The following PTPRN2 variants were observed in gnomAD, a reference collection of about 807,000 sequenced individuals.
The protein encoded by PTPRN2 is receptor-type tyrosine-protein phosphatase N2.
In PTPRN2, 74 loss-of-function variants were observed where a neutral mutation model predicts 118.8. That is an observed-to-expected ratio of 0.62 (90% CI 0.52 to 0.76). The LOEUF is 0.76. PTPRN2 is among the 30% of genes least tolerant of loss of function. The pLI is 0.00. For synonymous variants in PTPRN2, 641 were observed against 608.0 expected, an observed-to-expected ratio of 1.05 and a Z score of -0.80; for missense variants, 1,481 against 1,394.4, an observed-to-expected ratio of 1.06 and a Z score of -0.99.
intron 12 of PTPRN2, among the ~76,000 whole-genome samples, chr7:157,805,316 T>C (rs979685911): frequency 8.1e-5 from 12 of 147,550 alleles, no homozygotes; most frequent in South Asian, 2.1e-4. Context: ...TGTGTGTGTG[T>C]GCGTGTGCAA....
intron 12 of PTPRN2, among the ~76,000 whole-genome samples, chr7:157,896,091 G>A (rs1248132174): frequency 6.6e-6 from 1 of 151,512 alleles, no homozygotes; most frequent in East Asian, 1.9e-4. Context: ...GACGGGAGGA[G>A]CTGGGAAGAT....
At chr7:157,829,930 C>T (rs549414326) in intron 12 of PTPRN2, among the ~76,000 whole-genome samples, 9 of 152,350 alleles carry the variant, frequency 5.9e-5, no homozygotes, top group African/African-American at 2.2e-4. Flanking sequence ...GTGGCAGCTC[C>T]ACCTGTCTGT....
At chr7:158,169,454 GTGTT>G (rs1190054185) in intron 5 of PTPRN2, among the ~76,000 whole-genome samples, 1 of 150,618 alleles carries the variant, frequency 6.6e-6, no homozygotes, top group Non-Finnish European at 1.5e-5. Context: ...GTGTGTGTGT[GTGTT>G]TTAGTAGAAA....
At chr7:158,313,710 G>A (rs1478019953) in intron 3 of PTPRN2, among the ~76,000 whole-genome samples, 6 of 152,242 alleles carry the variant, frequency 3.9e-5, no homozygotes, top group South Asian at 2.1e-4. Flanking sequence ...CCTGACACTC[G>A]GCACAATATT....
intron 3 of PTPRN2, among the ~76,000 whole-genome samples, chr7:158,251,653 C>T (rs59030116): frequency 1.9e-3 from 156 of 80,154 alleles, no homozygotes; most frequent in East Asian, 5.6e-3. Context: ...ATGTGGTGTG[C>T]ACAGGTGTGC....
At chr7:157,846,676 C>T (rs963987313) in intron 12 of PTPRN2, among the ~76,000 whole-genome samples, 1 of 152,044 alleles carries the variant, frequency 6.6e-6, no homozygotes, top group African/African-American at 2.4e-5. Context: ...TCATGCGTGC[C>T]CGATGTCTAC....
chr7:158,338,276 C>A (rs370825319), intron 2 of PTPRN2, among the ~76,000 whole-genome samples: 54 of 23,112 alleles, frequency 2.3e-3, no homozygotes, highest in South Asian at 4.2e-3. Flanking sequence ...TCACCATAAG[C>A]GCTGACACCT....
In PTPRN2 at chr7:157,618,611, G is replaced by T. The variant is rs1411364128; in HGVS notation, c.2344+2751C>A. On this transcript the variant is annotated intron_variant, in intron 15 of 22. Coordinates refer to ENST00000389418, the MANE Select transcript of PTPRN2 (RefSeq NM_002847.5). The surrounding 1 kb of genome is among the most constrained non-coding windows in gnomAD (Gnocchi z 4.2). ...TGAGGCAGGAGTGAAGATGGAGGAG[G>T]CGGCCATCTCTCTGGGGCCTGGCAA... The T allele has an allele frequency of 6.6e-6, 1 of 152,258 alleles. No homozygotes were observed. The highest frequency in any genetic ancestry group is 1.5e-5 in the Non-Finnish European group (1 of 68,078). The allele number at this position is 152,258 out of a possible 1,614,324, so 9.4% of individuals were successfully genotyped here.
At chr7:158,158,561 C>T (rs911322173) in intron 6 of PTPRN2, among the ~76,000 whole-genome samples, 2 of 150,382 alleles carry the variant, frequency 1.3e-5, no homozygotes. Flanking sequence ...GAATCAGGAG[C>T]CCGTGTGATT....
At chr7:158,382,025 G>C (rs978015744) in intron 2 of PTPRN2, among the ~76,000 whole-genome samples, 11 of 152,144 alleles carry the variant, frequency 7.2e-5, no homozygotes, top group Non-Finnish European at 2.9e-5. Context: ...GATGGGATTT[G>C]GGTACAGACA....
At chr7:157,594,372 GTGGATCGCCAGGAGGCCCGGGCTT>G (rs1436437299) in intron 17 of PTPRN2, among the ~76,000 whole-genome samples, 41 of 151,492 alleles carry the variant, frequency 2.7e-4, no homozygotes, top group African/African-American at 9.5e-4. Flanking sequence ...CGCCCGGGCT[GTGGATCGCCAGGAGGCCCGGGCTT>G]TGGATCACCA....
At chr7:158,540,436 G>A (rs1237245914) in intron 1 of PTPRN2, among the ~76,000 whole-genome samples, 1 of 152,060 alleles carries the variant, frequency 6.6e-6, no homozygotes, top group Non-Finnish European at 1.5e-5. Context: ...CCCAGCTAGA[G>A]AGTCTATAAA....
intron 12 of PTPRN2, among the ~76,000 whole-genome samples, chr7:157,789,989 TGGG>T (rs1468646563): frequency 9.0e-6 from 1 of 110,896 alleles, no homozygotes; most frequent in African/African-American, 3.6e-5. Flanking sequence ...GTGTGTGTGG[TGGG>T]GGTGTGTGTG....
chr7:158,351,064 C>T (rs914688353), intron 2 of PTPRN2, among the ~76,000 whole-genome samples: 21 of 152,146 alleles, frequency 1.4e-4, no homozygotes, highest in African/African-American at 3.4e-4. Flanking sequence ...TATCCCATTA[C>T]GAAATGAAAA....
chr7:157,894,315 T>A (rs1796981852), intron 12 of PTPRN2, among the ~76,000 whole-genome samples: 1 of 152,158 alleles, frequency 6.6e-6, no homozygotes, highest in Non-Finnish European at 1.5e-5. Context: ...ACGTTTGGCA[T>A]CTTTCTGTGG....
chr7:158,551,443 G>A (rs1199212813), intron 1 of PTPRN2, among the ~76,000 whole-genome samples: 1 of 150,934 alleles, frequency 6.6e-6, no homozygotes, highest in Non-Finnish European at 1.5e-5. Flanking sequence ...CACTTGGGGG[G>A]CCCTGCCTAA....
chr7:158,045,080 C>A (rs1808745956), intron 11 of PTPRN2, among the ~76,000 whole-genome samples: 1 of 152,216 alleles, frequency 6.6e-6, no homozygotes, highest in Non-Finnish European at 1.5e-5. Flanking sequence ...TGAACTTACA[C>A]ATATGCATGA....
At chr7:158,440,882 T>C (rs1285533590) in intron 2 of PTPRN2, among the ~76,000 whole-genome samples, 18 of 122,850 alleles carry the variant, frequency 1.5e-4, no homozygotes, top group Admixed American at 6.5e-4. Context: ...TTGGTGGTGG[T>C]GGTGAAGGTG....
intron 4 of PTPRN2, among the ~76,000 whole-genome samples, chr7:158,195,539 G>T (rs1826144656): frequency 6.6e-6 from 1 of 150,476 alleles, no homozygotes; most frequent in Admixed American, 6.6e-5. Flanking sequence ...TGATTTTTCT[G>T]TTCCTGTCTC....
Sources: allele counts gnomAD v4.1 joint callset (sites outside exome capture counted in the v4.1 genomes callset), GRCh38; gene constraint gnomAD v4.1.1; non-coding constraint Gnocchi (gnomAD v3.1); transcripts MANE v1.5; gene names NCBI Gene and HGNC (gene_info 2026-07-23, HGNC 2026-07-21).